Variants in COL9A3 observed in about 807,000 individuals in gnomAD.
COL9A3 encodes the protein collagen alpha-3(IX) chain.
In COL9A3, 82 loss-of-function variants were observed where a neutral mutation model predicts 110.2. The ratio of observed to expected loss-of-function variants is 0.74; its 90% CI spans 0.62 to 0.89. The LOEUF (loss-of-function observed/expected upper bound fraction) is 0.89, where lower values mean the gene tolerates loss of function less well. Ranked by LOEUF, COL9A3 falls within the 40% of genes least tolerant of loss-of-function variation. The probability of loss-of-function intolerance (pLI) is 0.00; values close to 1 mark genes in which losing one functional copy is unlikely to be tolerated. For synonymous variants in COL9A3, 494 were observed against 403.8 expected (o/e 1.22, Z -2.68); for missense variants, 1,066 against 981.3 (o/e 1.09, Z -1.15).
At position 62,836,604 on chromosome 20, in the gene COL9A3, A is replaced by G. The variant is rs1030190914; in HGVS notation, c.1603+72A>G. On this transcript the variant is annotated intron_variant, in intron 29 of 31. Coordinates refer to ENST00000649368, the MANE Select transcript of COL9A3 (RefSeq NM_001853.4). Reference sequence around the variant, plus strand: ...GGGGGTCCCGTGCCTGGGGCTACACAGAAAGCCTTCGTGCCACTGCTTTCC... The same window carrying G: ...GGGGGTCCCGTGCCTGGGGCTACACGGAAAGCCTTCGTGCCACTGCTTTCC... The G allele has an allele frequency of 1.3e-5, 19 of 1,478,030 alleles. No homozygotes were observed. In the Admixed American group the frequency reaches 2.8e-4, roughly 22 times the overall value. The allele number at this position is 1,478,030 out of a possible 1,614,324, so 91.6% of individuals were successfully genotyped here.
chr20:62,837,287 A>G (rs1209902683), intron 30 of COL9A3, 22 bp downstream of exon 30: 1 of 1,604,842 alleles, frequency 6.2e-7, no homozygotes, highest in South Asian at 1.1e-5. Context: ...ACCCCATGAC[A>G]CGGTCACCCT....
At chr20:62,818,283 G>A (rs147740536) in intron 2 of COL9A3, among the ~76,000 whole-genome samples, 53 of 152,264 alleles carry the variant, frequency 3.5e-4, no homozygotes, top group African/African-American at 1.2e-3. Flanking sequence ...TGCCCAGCTC[G>A]GCCTCAATGG....
At chr20:62,836,723 G>A (rs1009169501) in intron 29 of COL9A3, 191 bp downstream of exon 29, 6 of 664,120 alleles carry the variant, frequency 9.0e-6, no homozygotes, top group Admixed American at 8.7e-5. Context: ...CTAGAGGATG[G>A]CCCACGCTCC....
At chr20:62,834,449 C>T (rs1006822199) in intron 26 of COL9A3, among the ~76,000 whole-genome samples, 4 of 148,166 alleles carry the variant, frequency 2.7e-5, no homozygotes, top group African/African-American at 5.3e-5. Flanking sequence ...GTCGTGAGTC[C>T]GAGGGAAGGA....
chr20:62,830,391 C>T lies in COL9A3; in HGVS notation c.1193C>T (p.Ala398Val). Residue 398 changes from alanine (A) to valine (V), a missense_variant, in exon 23 of 32, where the codon GCC becomes GTC. Ala to Val is a moderately conservative substitution (Grantham distance 64). Transcript: ENST00000649368. ...GALGPQGPPG[A>V]PGVRGFQGQK... ...CTCGGCCCACAAGGCCCTCCCGGAG[C>T]CCCTGGTGTCCGAGGCTTCCAGGTG... The T allele has an allele frequency of 6.4e-7, 1 of 1,571,958 alleles. No homozygotes were observed. The highest frequency in any genetic ancestry group is 8.6e-7 in the Non-Finnish European group (1 of 1,158,394).
Position 62,828,975 on chromosome 20 carries a change from C to T in COL9A3, c.1007C>T (p.Pro336Leu), listed in dbSNP as rs200305586. The change falls in exon 19 of 32, where the codon CCG becomes CTG. Residue 336 changes from proline to leucine, a missense_variant and splice_region_variant. Coordinates refer to ENST00000649368, the MANE Select transcript of COL9A3 (RefSeq NM_001853.4). ...GGAGAGAAGGGCCCCAACGGGCTGC[C>T]GGTGAGTGCCCGGCGGGTGGGGCCA... Reference protein sequence around the residue: ...APGEKGPNGLPGLPGRAGSKG... With the variant: ...APGEKGPNGLLGLPGRAGSKG... The T allele has an allele frequency of 8.0e-5, 129 of 1,604,630 alleles. No individual in the cohort carries two copies. The highest frequency in any genetic ancestry group is 9.9e-5 in the Non-Finnish European group (117 of 1,177,434).
rs912326450 is a variant in COL9A3, at chr20:62,841,006, G to A, written c.*274G>A. On this transcript the variant is annotated 3_prime_UTR_variant, in exon 32 of 32. Transcript: ENST00000649368. ...TATAAAAGGTTGTGTACAACTCCAC[G>A]AGGTGAAAAATATTCAGTAACTTGT... 7 of 445,384 alleles carry A rather than the reference G, an allele frequency of 1.6e-5. No individual in the cohort carries two copies. Among genetic ancestry groups the A allele is most frequent in the African/African-American group, 8.0e-5 (4 of 50,000 alleles). 27.6% of individuals were successfully genotyped at this position (445,384 alleles called of 1,614,324 possible).
intron 30 of COL9A3, among the ~76,000 whole-genome samples, chr20:62,837,574 T>C (rs1055321919): frequency 5.4e-5 from 8 of 149,472 alleles, no homozygotes; most frequent in South Asian, 2.1e-4. Context: ...TTTGGGGGGC[T>C]GAGGTGGGCA....
At chr20:62,836,997 C>A in intron 29 of COL9A3, 86 bp from the exon 30 acceptor site, 3 of 1,514,368 alleles carry the variant, frequency 2.0e-6, no homozygotes, top group African/African-American at 1.4e-5. Context: ...TGGAAGACAG[C>A]ACCGTGTAGA....
rs1403880140 is a variant in COL9A3 at position 62,836,317 on chromosome 20, G to A, written c.1532G>A (p.Gly511Glu). Residue 511 changes from glycine to glutamate, a missense_variant, in exon 28 of 32, where the codon GGG (glycine) becomes GAG (glutamate). Physicochemically the swap from Gly to Glu is moderately conservative, Grantham distance 98. Coordinates refer to ENST00000649368, the MANE Select transcript of COL9A3 (RefSeq NM_001853.4). The stretch of plus-strand genomic sequence containing the variant: ...GTCCCGGGTGTTCCTGGCATCACGG[G>A]GAAGCCGGGAGTTCCGGTACGTCGC... ...QGVPGVPGIT[G>E]KPGVPGKEAS... 3 of 1,613,812 alleles carry A rather than the reference G, an allele frequency of 1.9e-6. No homozygotes were observed. Among genetic ancestry groups the A allele is most frequent in the Non-Finnish European group, 2.5e-6 (3 of 1,180,034 alleles).
At chr20:62,819,794 A>G in intron 4 of COL9A3, 135 bp from the exon 5 acceptor site, 1 of 946,652 alleles carries the variant, frequency 1.1e-6, no homozygotes, top group Non-Finnish European at 1.7e-6. Context: ...GGGCCAAGAG[A>G]GGAGGCTGCC....
At position 62,828,818 on chromosome 20, in the gene COL9A3, G is replaced by T. The variant is rs773614909; in HGVS notation, c.954+1G>T. 6 of 1,613,016 alleles carry T rather than the reference G, an allele frequency of 3.7e-6. No homozygotes were observed. Among genetic ancestry groups the T allele is most frequent in the East Asian group, 2.2e-5 (1 of 44,886 alleles). On this transcript the variant is annotated splice_donor_variant, in intron 18 of 31. Transcript: ENST00000649368. LOFTEE classifies it high-confidence loss of function. ...CGTGCCAGGACTCGATGGCCAGAAG[G>T]TTGGCATGGGGCTCAGGGTGTGACG...
intron 26 of COL9A3, among the ~76,000 whole-genome samples, chr20:62,834,285 C>T (rs1167647542): frequency 1.3e-5 from 2 of 152,248 alleles, no homozygotes; most frequent in African/African-American, 2.4e-5. Flanking sequence ...GCTGGGATTA[C>T]AGGCGTGAGC....
intron 14 of COL9A3, 106 bp from the exon 15 acceptor site, chr20:62,826,661 C>T: frequency 1.6e-6 from 2 of 1,229,082 alleles, no homozygotes; most frequent in South Asian, 1.3e-5. Flanking sequence ...GCTGGGGAGC[C>T]CTAGAGGAAG....
rs766243175 is a variant in COL9A3, at chr20:62,827,966, G to A, written c.890G>A (p.Ser297Asn). 17 of 1,612,946 alleles carry A rather than the reference G, an allele frequency of 1.1e-5. No individual in the cohort carries two copies. Among genetic ancestry groups the A allele is most frequent in the Non-Finnish European group, 1.4e-5 (17 of 1,179,970 alleles). Residue 297 changes from serine (S) to asparagine (N), a missense_variant, in exon 17 of 32, where the codon AGC becomes AAC. Physicochemically the swap from Ser to Asn is conservative, Grantham distance 46. Transcript: ENST00000649368. ...PKGTPGVAGP[S>N]GEPGMPGKDG... ...GGAACCCCCGGAGTGGCCGGGCCAAGCGGAGAGCCGGTGAGTGCACGTGGC... is the reference window on the plus strand; with the variant it reads ...GGAACCCCCGGAGTGGCCGGGCCAAACGGAGAGCCGGTGAGTGCACGTGGC...
At chr20:62,834,935 A>G (rs567605860) in intron 26 of COL9A3, among the ~76,000 whole-genome samples, 4 of 152,348 alleles carry the variant, frequency 2.6e-5, no homozygotes, top group African/African-American at 4.8e-5. Context: ...CACCTCGCCC[A>G]GCCCATTTAG....
chr20:62,826,674 C>A, intron 14 of COL9A3, 93 bp from the exon 15 acceptor site: 1 of 1,385,610 alleles, frequency 7.2e-7, no homozygotes, highest in Non-Finnish European at 1.0e-6. Flanking sequence ...AGAGGAAGGG[C>A]TGCTTGTGTC....
rs1018439 is a variant in COL9A3, at chr20:62,832,832, C to T, written c.1324-188C>T. 0.24 allele frequency: 116,143 copies of T among 482,324 alleles called. 13,474 individuals are homozygous for T. Among genetic ancestry groups the T allele is most frequent in the African/African-American group, 0.56 (21,732 of 39,134 alleles). The allele number at this position is 482,324 out of a possible 1,614,324, so 29.9% of individuals were successfully genotyped here. A position where few individuals can be genotyped will look rare whatever the true frequency, so the allele number is the denominator to read the frequency against. ...AATGTCTTCCGTTTTTTGGCCCCGC[C>T]CCTGCCTGCAGGTCTCCCAAGGGCT... On this transcript the variant is annotated intron_variant, in intron 25 of 31. Coordinates refer to ENST00000649368, the MANE Select transcript of COL9A3 (RefSeq NM_001853.4).
Position 62,817,079 on chromosome 20 carries a change from C to A in COL9A3, c.15C>A (p.Arg5=). The A allele has an allele frequency of 7.2e-7, 1 of 1,387,788 alleles. No homozygotes were observed. Among genetic ancestry groups the A allele is most frequent in the Non-Finnish European group, 9.4e-7 (1 of 1,064,792 alleles). 86.0% of individuals were successfully genotyped at this position (1,387,788 alleles called of 1,614,324 possible). MAGP[R]ACAPLLLLLL... is the part of the protein sequence containing the mutation. Reference sequence around the variant, plus strand: ...TCCGCTCAGCCATGGCCGGGCCGCGCGCGTGCGCCCCGCTCCTGCTCCTGC... The same window carrying A: ...TCCGCTCAGCCATGGCCGGGCCGCGAGCGTGCGCCCCGCTCCTGCTCCTGC... Residue 5 remains arginine, a synonymous_variant, in exon 1 of 32, where the codon CGC becomes CGA. Coordinates refer to ENST00000649368, the MANE Select transcript of COL9A3 (RefSeq NM_001853.4).
Sources: allele counts gnomAD v4.1 joint callset (sites outside exome capture counted in the v4.1 genomes callset), GRCh38; gene constraint gnomAD v4.1.1; transcripts MANE v1.5; gene names NCBI Gene and HGNC (gene_info 2026-07-23, HGNC 2026-07-21).